SHISAL1: variants seen among roughly 807,000 people sequenced by gnomAD.
The protein encoded by SHISAL1 is protein shisa-like-1.
SHISAL1 carries 9 observed loss-of-function variants against 22.6 expected under a neutral mutation model. The ratio of observed to expected loss-of-function variants is 0.40; its 90% CI spans 0.24 to 0.70. The LOEUF (loss-of-function observed/expected upper bound fraction) is 0.70, where lower values mean the gene tolerates loss of function less well. Ranked by LOEUF, SHISAL1 falls within the 30% of genes least tolerant of loss-of-function variation. The probability of loss-of-function intolerance (pLI) is 0.39; values close to 1 mark genes in which losing one functional copy is unlikely to be tolerated. For missense variants in SHISAL1, 246 were observed against 270.6 expected, an observed-to-expected ratio of 0.91 and a Z score of 0.64; for synonymous variants, 119 against 115.4, an observed-to-expected ratio of 1.03 and a Z score of -0.20.
Position 44,288,317 on chromosome 22 carries a change from C to T in SHISAL1, c.282-2572G>A, listed in dbSNP as rs541221399. 1.1e-3 allele frequency among the ~76,000 whole-genome samples: 162 copies of T among 152,286 alleles called. 2 individuals are homozygous for T. Among genetic ancestry groups the T allele is most frequent in the African/African-American group, 3.6e-3 (149 of 41,570 alleles). On this transcript the variant is annotated intron_variant, in intron 3 of 4. Transcript: ENST00000381176. ...CCACTATAGCACACTGCCTTGGCTG[C>T]GGCCACCCGGGTTCTCAGGTAGAAA...
intron 4 of SHISAL1, among the ~76,000 whole-genome samples, chr22:44,269,380 CCAT>C (rs1281709050): frequency 1.3e-5 from 2 of 149,572 alleles, no homozygotes; most frequent in Admixed American, 6.7e-5. Flanking sequence ...TGCACACACA[CCAT>C]GACACACAGA....
chr22:44,254,271 C>T (rs1268914367), intron 4 of SHISAL1, among the ~76,000 whole-genome samples: 1 of 151,734 alleles, frequency 6.6e-6, no homozygotes, highest in Non-Finnish European at 1.5e-5. Context: ...GAAAGACATA[C>T]AGTAGCAATA....
At chr22:44,288,852 C>G (rs532115505) in intron 3 of SHISAL1, among the ~76,000 whole-genome samples, 1 of 152,334 alleles carries the variant, frequency 6.6e-6, no homozygotes, top group South Asian at 2.1e-4. Flanking sequence ...CTCAAAGCCA[C>G]TGGATTTCCC....
Position 44,256,909 on chromosome 22 carries a change from A to G in SHISAL1, c.*-7224T>C, listed in dbSNP as rs372714566. On this transcript the variant is annotated intron_variant, in intron 4 of 4. Transcript: ENST00000381176. ...GGGAAGGTAGAATCTAAACAGACCAATTGCCAAGAAGAGAAAGAGAAACTG... is the reference window on the plus strand; with the variant it reads ...GGGAAGGTAGAATCTAAACAGACCAGTTGCCAAGAAGAGAAAGAGAAACTG... Among the ~76,000 whole-genome samples, 27 of 152,266 alleles carry G rather than the reference A, an allele frequency of 1.8e-4. No individual in the cohort carries two copies. In the East Asian group the frequency reaches 2.3e-3, roughly 13 times the overall value.
rs749909361 is a variant in SHISAL1, at chr22:44,296,661, G to T, written c.281+11C>A. ...GAGGCAGTGGGGTTGCACCCCCAGA[G>T]TGGCACTCACTTGTGCATGTAACCC... On this transcript the variant is annotated intron_variant, in intron 3 of 4. Coordinates refer to ENST00000381176, the MANE Select transcript of SHISAL1 (RefSeq NM_001099294.2). The T allele has an allele frequency of 3.1e-6, 5 of 1,612,156 alleles. No homozygotes were observed. In the South Asian group the frequency reaches 5.5e-5, roughly 18 times the overall value.
intron 4 of SHISAL1, among the ~76,000 whole-genome samples, chr22:44,278,751 C>T (rs542048191): frequency 4.6e-5 from 7 of 152,094 alleles, no homozygotes; most frequent in Admixed American, 1.3e-4. Context: ...CTCCGTGGGT[C>T]GTGGTGATGT....
intron 1 of SHISAL1, among the ~76,000 whole-genome samples, chr22:44,306,480 A>G (rs113643755): frequency 0.011 from 1,287 of 118,128 alleles, 47 homozygotes; most frequent in African/African-American, 0.032. Context: ...ACCTGGGCTC[A>G]GGGAGCTGTG....
intron 4 of SHISAL1, among the ~76,000 whole-genome samples, chr22:44,250,330 T>C (rs1386038665): frequency 6.6e-6 from 1 of 152,198 alleles, no homozygotes; most frequent in African/African-American, 2.4e-5. Flanking sequence ...TATATGACCA[T>C]GTCATACAAA....
chr22:44,311,431 A>G (rs760530308), intron 1 of SHISAL1, among the ~76,000 whole-genome samples: 2 of 152,184 alleles, frequency 1.3e-5, no homozygotes, highest in African/African-American at 2.4e-5. Context: ...CTTGTCCCTC[A>G]CTGACACCTT....
intron 4 of SHISAL1, among the ~76,000 whole-genome samples, chr22:44,265,545 G>C (rs2055156175): frequency 6.6e-6 from 1 of 151,854 alleles, no homozygotes; most frequent in Non-Finnish European, 1.5e-5. Context: ...CAAGCCAGGA[G>C]ACTCCAAGCC....
intron 2 of SHISAL1, among the ~76,000 whole-genome samples, chr22:44,297,156 C>T (rs1047320294): frequency 1.3e-5 from 2 of 152,190 alleles, no homozygotes; most frequent in African/African-American, 4.8e-5. Flanking sequence ...GCAGCAGTCA[C>T]TCAATTAGGA....
the SHISAL1 span, among the ~76,000 whole-genome samples, chr22:44,325,115 C>A: frequency 6.6e-6 from 1 of 151,942 alleles, no homozygotes; most frequent in South Asian, 2.1e-4. Flanking sequence ...TGGTGGTGGG[C>A]GCCTGTAATC....
intron 4 of SHISAL1, among the ~76,000 whole-genome samples, chr22:44,263,087 T>TTTTC (rs2055137171): frequency 7.3e-6 from 1 of 136,494 alleles, no homozygotes; most frequent in Non-Finnish European, 1.6e-5. Context: ...TTCTTTTTTT[T>TTTTC]TTTTTTTTTT....
In SHISAL1 at chr22:44,253,337, G is replaced by A. The variant is rs554736606; in HGVS notation, c.*-3652C>T. ...CCATGAAGATCTAACAGTAATGAATGTTCATGTACCAAATAGCATAGCCTC... is the reference window on the plus strand; with the variant it reads ...CCATGAAGATCTAACAGTAATGAATATTCATGTACCAAATAGCATAGCCTC... On this transcript the variant is annotated intron_variant, in intron 4 of 4. Transcript: ENST00000381176. Among the ~76,000 whole-genome samples, 14 of 151,684 alleles carry A rather than the reference G, an allele frequency of 9.2e-5. 1 individual carries two copies. The South Asian group carries it at 2.3e-3, about 25-fold the overall frequency.
At chr22:44,291,904 G>A (rs1456867712) in intron 3 of SHISAL1, among the ~76,000 whole-genome samples, 4 of 152,042 alleles carry the variant, frequency 2.6e-5, no homozygotes, top group Non-Finnish European at 5.9e-5. Flanking sequence ...GCCCTGGCAT[G>A]GGAAGGAGGG....
At chr22:44,301,357 C>T (rs557076086) in intron 1 of SHISAL1, among the ~76,000 whole-genome samples, 6 of 152,132 alleles carry the variant, frequency 3.9e-5, no homozygotes, top group African/African-American at 9.7e-5. Flanking sequence ...CCTGCTGTGT[C>T]GCTAAGGTGG....
At chr22:44,321,830 G>C in the SHISAL1 span, among the ~76,000 whole-genome samples, 1 of 152,040 alleles carries the variant, frequency 6.6e-6, no homozygotes, top group Non-Finnish European at 1.5e-5. Flanking sequence ...TCCCCAAAGA[G>C]GAGTCAAAGA....
intron 3 of SHISAL1, among the ~76,000 whole-genome samples, chr22:44,287,848 C>T (rs546360109): frequency 3.3e-5 from 5 of 152,108 alleles, no homozygotes; most frequent in Non-Finnish European, 7.4e-5. Context: ...CCCCAGCACC[C>T]TCCCTGCTGC....
chr22:44,285,066 C>T (rs912722438), intron 4 of SHISAL1, among the ~76,000 whole-genome samples: 1 of 152,184 alleles, frequency 6.6e-6, no homozygotes, highest in Non-Finnish European at 1.5e-5. Context: ...GACTGATTTG[C>T]TTCCTTTGGC....
Sources: gnomAD v4.1 joint callset for allele counts (sites outside exome capture counted in the v4.1 genomes callset) on GRCh38, gnomAD v4.1.1 for gene constraint, MANE v1.5 for transcripts, NCBI Gene and HGNC (gene_info 2026-07-23, HGNC 2026-07-21) for gene names.